Variants in GSDME observed in about 807,000 individuals in gnomAD.
GSDME encodes gasdermin-E.
GSDME carries 44 observed loss-of-function variants against 47.5 expected under a neutral mutation model. The ratio of observed to expected loss-of-function variants is 0.93; its 90% CI spans 0.73 to 1.19. The LOEUF is 1.19. GSDME is among the 50% of genes most tolerant of loss of function. The pLI, the probability that GSDME is intolerant of heterozygous loss-of-function variation, is 0.00. For synonymous variants in GSDME, 258 were observed against 252.8 expected (o/e 1.02, Z -0.20); for missense variants, 663 against 604.2 (o/e 1.10, Z -1.02).
intron 5 of GSDME, chr7:24,715,567 A>C (rs757064034): frequency 4.8e-5 from 22 of 460,556 alleles, no homozygotes; most frequent in Non-Finnish European, 9.0e-5. Context: ...AGGCAGACAT[A>C]GGGGGGCTAG....
intron 2 of GSDME, among the ~76,000 whole-genome samples, chr7:24,747,561 T>C (rs1790705772): frequency 6.6e-6 from 1 of 152,232 alleles, no homozygotes; most frequent in Non-Finnish European, 1.5e-5. Flanking sequence ...TCAAAAAGTT[T>C]CCATCCTCTG....
intron 3 of GSDME, among the ~76,000 whole-genome samples, chr7:24,720,304 GA>G (rs1381637656): frequency 4.6e-5 from 7 of 152,210 alleles, no homozygotes; most frequent in African/African-American, 1.7e-4. Flanking sequence ...AAATGGACAG[GA>G]AAAGAACCAA....
chr7:24,726,538 G>A lies in GSDME; in HGVS notation c.405-7320C>T, dbSNP rs1789970471. On this transcript the variant is annotated intron_variant, in intron 3 of 9. Transcript: ENST00000645220. The surrounding 1 kb of genome is among the most constrained non-coding windows in gnomAD (Gnocchi z 5.6). Reference sequence around the variant, plus strand: ...CACAAAAACCCTTGATAGTAACAATGGTAGGCCGGGCGCGGTGGCTCACGC... The same window carrying A: ...CACAAAAACCCTTGATAGTAACAATAGTAGGCCGGGCGCGGTGGCTCACGC... Among the ~76,000 whole-genome samples, 1 of 152,150 alleles carries A rather than the reference G, an allele frequency of 6.6e-6. No individual in the cohort carries two copies. Among genetic ancestry groups the A allele is most frequent in the African/African-American group, 2.4e-5 (1 of 41,424 alleles).
rs768583848 is a variant in GSDME, at chr7:24,726,680, C to T, written c.405-7462G>A. 4.6e-5 allele frequency among the ~76,000 whole-genome samples: 7 copies of T among 151,938 alleles called. No homozygotes were observed. The highest frequency in any genetic ancestry group is 1.9e-4 in the East Asian group (1 of 5,186). ...CTACTAAAAATACAAAAAATCAGCC[C>T]GGCATAGTCCTGGCTACTCGGGAGG... is the stretch of plus-strand genomic sequence containing the variant. On this transcript the variant is annotated intron_variant, in intron 3 of 9. Transcript: ENST00000645220. The surrounding 1 kb of genome is among the most constrained non-coding windows in gnomAD (Gnocchi z 5.6).
intron 2 of GSDME, among the ~76,000 whole-genome samples, 198 bp downstream of exon 2, chr7:24,749,366 G>A (rs1431463669): frequency 1.3e-5 from 2 of 152,062 alleles, no homozygotes; most frequent in Non-Finnish European, 2.9e-5. Context: ...GCTGGGCGTG[G>A]TGGTGGGTGC....
the GSDME span, among the ~76,000 whole-genome samples, chr7:24,764,063 T>A: frequency 6.6e-6 from 1 of 152,232 alleles, no homozygotes; most frequent in African/African-American, 2.4e-5. This position sits in a 1 kb window ranked among gnomAD's most constrained non-coding sequence, Gnocchi z 4.4. Context: ...GATGTTTTCA[T>A]CTATAACAAT....
At chr7:24,708,833 A>C (rs886685424) in intron 6 of GSDME, among the ~76,000 whole-genome samples, 7 of 152,306 alleles carry the variant, frequency 4.6e-5, no homozygotes, top group African/African-American at 1.7e-4. Context: ...GAGTCCCCGA[A>C]GCTATTGCCT....
intron 5 of GSDME, chr7:24,710,666 G>A: frequency 2.4e-6 from 1 of 417,780 alleles, no homozygotes; most frequent in Non-Finnish European, 4.4e-6. Context: ...TAAAACATTG[G>A]AAATATTATT....
Position 24,735,895 on chromosome 7 carries a change from G to A in GSDME, c.404+8667C>T, listed in dbSNP as rs116052126. ...TTAAGCCGGGGGACAAAGTTAAGGCGTGGAGTTTGTATTCATTTTCTTTTT... is the reference window on the plus strand; with the variant it reads ...TTAAGCCGGGGGACAAAGTTAAGGCATGGAGTTTGTATTCATTTTCTTTTT... On this transcript the variant is annotated intron_variant, in intron 3 of 9. Transcript: ENST00000645220. The surrounding 1 kb of genome is among the most constrained non-coding windows in gnomAD (Gnocchi z 4.4). 0.11 allele frequency among the ~76,000 whole-genome samples: 17,010 copies of A among 152,004 alleles called. 1,027 individuals are homozygous for A. Among genetic ancestry groups the A allele is most frequent in the Non-Finnish European group, 0.13 (8,824 of 67,974 alleles).
At chr7:24,723,925 GC>G (rs1789880791) in intron 3 of GSDME, among the ~76,000 whole-genome samples, 2 of 152,176 alleles carry the variant, frequency 1.3e-5, no homozygotes, top group Admixed American at 6.5e-5. Flanking sequence ...TTCTCCCCAA[GC>G]CCATCTCACT....
chr7:24,706,968 T>G (rs1789137034), intron 7 of GSDME, among the ~76,000 whole-genome samples: 1 of 152,198 alleles, frequency 6.6e-6, no homozygotes, highest in South Asian at 2.1e-4. Context: ...CAGCTGAGGC[T>G]CTCTCCACAG....
rs1277094538 is a variant in GSDME at position 24,699,079 on chromosome 7, G to C, written c.1438C>G (p.Leu480Val). 2.5e-6 allele frequency: 4 copies of C among 1,614,118 alleles called. 1 individual carries two copies. The South Asian group carries it at 4.4e-5, about 18-fold the overall frequency. ...ILKDSKVFPL[L>V]LCITLNGLCA... is the part of the protein sequence containing the mutation. The stretch of plus-strand genomic sequence containing the variant: ...AGTCCATTCAGGGTTATACAAAGAA[G>C]CAGTGGGAAGACTTTAGAGTCCTTC... Residue 480 changes from leucine (L) to valine (V), a missense_variant, in exon 10 of 10, where the codon CTT becomes GTT. Transcript: ENST00000645220.
At chr7:24,708,036 G>C in intron 7 of GSDME, 91 bp downstream of exon 7, 2 of 1,515,232 alleles carry the variant, frequency 1.3e-6, no homozygotes, top group Admixed American at 1.7e-5. Context: ...AAAAGGAGGC[G>C]GGGGAACCTT....
At chr7:24,790,432 A>T in the GSDME span, among the ~76,000 whole-genome samples, 2 of 152,212 alleles carry the variant, frequency 1.3e-5, no homozygotes, top group Non-Finnish European at 2.9e-5. This position sits in a 1 kb window ranked among gnomAD's most constrained non-coding sequence, Gnocchi z 4.1. Context: ...CGGGAAGCAT[A>T]GACAGGGAAG....
At chr7:24,710,163 C>T in intron 6 of GSDME, 61 bp downstream of exon 6, 1 of 1,578,120 alleles carries the variant, frequency 6.3e-7, no homozygotes, top group East Asian at 2.2e-5. Flanking sequence ...CACACCACCT[C>T]TTGGGATACA....
rs899009304 is a variant in GSDME at position 24,755,544 on chromosome 7, T to C, written c.-20+1852A>G. ...CACCTCTTATTGAGACATCTCAGGG[T>C]TCCCCATGGTGTCCCTCACTTTAAG... On this transcript the variant is annotated intron_variant, in intron 1 of 9. Transcript: ENST00000645220. Among the ~76,000 whole-genome samples the C allele has an allele frequency of 2.6e-5, 4 of 152,324 alleles. No homozygotes were observed. In the South Asian group the frequency reaches 8.3e-4, roughly 32 times the overall value.
At position 24,742,568 on chromosome 7, in the gene GSDME, T is replaced by G. The variant is rs1790526048; in HGVS notation, c.404+1994A>C. On this transcript the variant is annotated intron_variant, in intron 3 of 9. Coordinates refer to ENST00000645220, the MANE Select transcript of GSDME (RefSeq NM_001127453.2). The surrounding 1 kb of genome is among the most constrained non-coding windows in gnomAD (Gnocchi z 4.4). Reference sequence around the variant, plus strand: ...TTCTCAGTGAGCCTCCTCATATGCTTCCTTTTAGCAAGAGCTTTTACACCT... The same window carrying G: ...TTCTCAGTGAGCCTCCTCATATGCTGCCTTTTAGCAAGAGCTTTTACACCT... 6.6e-6 allele frequency among the ~76,000 whole-genome samples: 1 copy of G among 152,196 alleles called. No homozygotes were observed. Among genetic ancestry groups the G allele is most frequent in the Middle Eastern group, 3.2e-3 (1 of 316 alleles).
At chr7:24,789,369 C>T in the GSDME span, among the ~76,000 whole-genome samples, 4 of 151,442 alleles carry the variant, frequency 2.6e-5, no homozygotes, top group Admixed American at 6.6e-5. Context: ...CTGGGAGCAT[C>T]GGCAGACTTA....
chr7:24,758,337 A>C (rs965702190), upstream of GSDME, among the ~76,000 whole-genome samples: 1 of 152,266 alleles, frequency 6.6e-6, no homozygotes, highest in African/African-American at 2.4e-5. The surrounding 1 kb of genome is among the most constrained non-coding windows in gnomAD (Gnocchi z 4.6). Context: ...TCCCAGGTCC[A>C]GAAGACAGAT....
Sources: gnomAD v4.1 joint callset for allele counts (sites outside exome capture counted in the v4.1 genomes callset) on GRCh38, gnomAD v4.1.1 for gene constraint, Gnocchi (gnomAD v3.1) non-coding constraint, MANE v1.5 for transcripts, NCBI Gene and HGNC (gene_info 2026-07-23, HGNC 2026-07-21) for gene names.